The following N4BP2 variants were observed in gnomAD, a reference collection of about 807,000 sequenced individuals.
N4BP2 encodes the protein NEDD4-binding protein 2.
In N4BP2, 91 loss-of-function variants were observed where a neutral mutation model predicts 152.8. That is an observed-to-expected ratio of 0.60 (90% CI 0.50 to 0.71). N4BP2 has a LOEUF of 0.71. N4BP2 is among the 30% of genes least tolerant of loss of function. The pLI is 0.00. For synonymous variants in N4BP2, 646 were observed against 705.3 expected (o/e 0.92, Z 1.33); for missense variants, 1,923 against 2,059.1 (o/e 0.93, Z 1.28).
At chr4:40,101,011 C>T (rs1333886054) in intron 3 of N4BP2, among the ~76,000 whole-genome samples, 1 of 152,216 alleles carries the variant, frequency 6.6e-6, no homozygotes, top group Non-Finnish European at 1.5e-5. Context: ...AGAGCCAAGC[C>T]TGGGTTTACC....
chr4:40,079,986 GA>G (rs749307220), intron 2 of N4BP2, among the ~76,000 whole-genome samples: 1 of 152,048 alleles, frequency 6.6e-6, no homozygotes, highest in Non-Finnish European at 1.5e-5. Context: ...TTGAGGATGG[GA>G]GGGGGGGATA....
chr4:40,104,871 C>G (rs1487258971), intron 4 of N4BP2, among the ~76,000 whole-genome samples: 2 of 149,746 alleles, frequency 1.3e-5, no homozygotes, highest in African/African-American at 4.9e-5. Context: ...GTGGTGCGAT[C>G]TCGGCTCACT....
At chr4:40,143,267 T>G (rs1300393193) in intron 15 of N4BP2, among the ~76,000 whole-genome samples, 2 of 152,156 alleles carry the variant, frequency 1.3e-5, no homozygotes, top group Non-Finnish European at 2.9e-5. Flanking sequence ...GAAGTAAAAT[T>G]TCTACCTGGG....
At position 40,113,416 on chromosome 4, in the gene N4BP2, T is replaced by C. The variant is rs148223077; in HGVS notation, c.1588-16T>C. ...AAATACCTATTTTAAAATGTTTTTG[T>C]CTTTGTTGTATGTAGTCTCAGAAAC... On this transcript the variant is annotated splice_polypyrimidine_tract_variant and intron_variant, in intron 6 of 17. Coordinates refer to ENST00000261435, the MANE Select transcript of N4BP2 (RefSeq NM_018177.6). The C allele has an allele frequency of 2.6e-5, 40 of 1,553,476 alleles. No individual in the cohort carries two copies. The highest frequency in any genetic ancestry group is 3.3e-5 in the Non-Finnish European group (37 of 1,130,684).
In N4BP2 at chr4:40,085,282, C is replaced by T. The variant is rs182101014; in HGVS notation, c.-115+11731C>T. On this transcript the variant is annotated intron_variant, in intron 2 of 17. Coordinates refer to ENST00000261435, the MANE Select transcript of N4BP2 (RefSeq NM_018177.6). ...TGGTCTTGACCTCAGGCAATCTGCC[C>T]GCCTCAGCCTCCCAAAGTGCTGGGA... Among the ~76,000 whole-genome samples the T allele has an allele frequency of 1.3e-4, 20 of 151,666 alleles. No individual in the cohort carries two copies. In the East Asian group the frequency reaches 3.7e-3, roughly 28 times the overall value.
At chr4:40,169,466 T>G in the N4BP2 span, among the ~76,000 whole-genome samples, 1 of 151,276 alleles carries the variant, frequency 6.6e-6, no homozygotes, top group African/African-American at 2.4e-5. Flanking sequence ...ATTAGAAATA[T>G]ATAAAAGATT....
At chr4:40,145,098 C>T (rs913783847) in intron 16 of N4BP2, among the ~76,000 whole-genome samples, 1 of 152,134 alleles carries the variant, frequency 6.6e-6, no homozygotes, top group Non-Finnish European at 1.5e-5. Flanking sequence ...TATTACATAT[C>T]TTTGTCCAAT....
the N4BP2 span, among the ~76,000 whole-genome samples, chr4:40,165,266 T>C: frequency 2.9e-4 from 43 of 150,638 alleles, 1 homozygote; most frequent in African/African-American, 1.0e-3. Flanking sequence ...AATCTGTACT[T>C]TTTTTTTTGA....
At chr4:40,062,921 T>C (rs903698635) in intron 1 of N4BP2, among the ~76,000 whole-genome samples, 4 of 152,196 alleles carry the variant, frequency 2.6e-5, no homozygotes, top group African/African-American at 9.7e-5. Flanking sequence ...ACATTGTGAT[T>C]GCTTGCTTAT....
At chr4:40,127,805 TGC>T (rs1202297540) in intron 12 of N4BP2, among the ~76,000 whole-genome samples, 44 of 152,064 alleles carry the variant, frequency 2.9e-4, no homozygotes, top group African/African-American at 1.0e-3. Context: ...GAACTACAGG[TGC>T]CTGCCACCGC....
At position 40,158,170 on chromosome 4, in the gene N4BP2, A is replaced by G. The variant is rs188260991; in HGVS notation, c.*3933A>G. 2.5e-3 allele frequency: 386 copies of G among 152,298 alleles called. 12 individuals are homozygous for G. Among genetic ancestry groups the G allele is most frequent in the Admixed American group, 0.021 (323 of 15,306 alleles). The allele number at this position is 152,298 out of a possible 1,614,324, so 9.4% of individuals were successfully genotyped here. Reference sequence around the variant, plus strand: ...TAACTCTGTACTTTTTAAATTGAAAATGTTTTATAAATTTGCTTTTAAATT... The same window carrying G: ...TAACTCTGTACTTTTTAAATTGAAAGTGTTTTATAAATTTGCTTTTAAATT... On this transcript the variant is annotated 3_prime_UTR_variant, in exon 18 of 18. Transcript: ENST00000261435.
In N4BP2 at chr4:40,118,038, C is replaced by T. The variant is rs753226562; in HGVS notation, c.1820+14C>T. On this transcript the variant is annotated intron_variant, in intron 8 of 17. Transcript: ENST00000261435. Reference sequence around the variant, plus strand: ...TAGAAGCACTAGGTAGGTTAAAATGCCTTATGTACAAAATTCAATTTGAAA... The same window carrying T: ...TAGAAGCACTAGGTAGGTTAAAATGTCTTATGTACAAAATTCAATTTGAAA... 10 of 1,507,328 alleles carry T rather than the reference C, an allele frequency of 6.6e-6. No individual in the cohort carries two copies. The Admixed American group carries it at 2.2e-4, about 34-fold the overall frequency. The allele number at this position is 1,507,328 out of a possible 1,614,324, so 93.4% of individuals were successfully genotyped here. A position where few individuals can be genotyped will look rare whatever the true frequency, so the allele number is the denominator to read the frequency against.
At position 40,097,227 on chromosome 4, in the gene N4BP2, G is replaced by C; in HGVS notation, c.-114G>C. Reference sequence around the variant, plus strand: ...TGTTTTTAATTGCTTTCTATTTTAGGTCTTTTTACTGCTGGATTGTGCAAG... The same window carrying C: ...TGTTTTTAATTGCTTTCTATTTTAGCTCTTTTTACTGCTGGATTGTGCAAG... On this transcript the variant is annotated splice_region_variant and 5_prime_UTR_variant, in exon 3 of 18. Coordinates refer to ENST00000261435, the MANE Select transcript of N4BP2 (RefSeq NM_018177.6). 6 of 776,230 alleles carry C rather than the reference G, an allele frequency of 7.7e-6. No individual in the cohort carries two copies. The highest frequency in any genetic ancestry group is 1.1e-5 in the Non-Finnish European group (5 of 466,332). 48.1% of individuals were successfully genotyped at this position (776,230 alleles called of 1,614,324 possible).
the N4BP2 span, among the ~76,000 whole-genome samples, chr4:40,186,973 A>T: frequency 4.5e-4 from 68 of 152,326 alleles, no homozygotes; most frequent in African/African-American, 1.6e-3. Flanking sequence ...TTTCACACAG[A>T]TATTTTAAGC....
intron 14 of N4BP2, among the ~76,000 whole-genome samples, chr4:40,141,410 G>A (rs1299119131): frequency 2.6e-5 from 4 of 151,680 alleles, no homozygotes; most frequent in Admixed American, 1.3e-4. Flanking sequence ...TCCCAGACGG[G>A]GTCGCGGCCG....
chr4:40,152,993 A>G lies in N4BP2; in HGVS notation c.5267+90A>G, dbSNP rs960157398. ...GTGAGTATAGATTTCTGTTATTGAT[A>G]ATAGCAATAGCCCTAATATAGCTAG... On this transcript the variant is annotated intron_variant, in intron 17 of 17. Coordinates refer to ENST00000261435, the MANE Select transcript of N4BP2 (RefSeq NM_018177.6). 9 of 1,298,184 alleles carry G rather than the reference A, an allele frequency of 6.9e-6. No homozygotes were observed. In the African/African-American group the frequency reaches 1.0e-4, roughly 15 times the overall value. The allele number at this position is 1,298,184 out of a possible 1,614,324, so 80.4% of individuals were successfully genotyped here. A position where few individuals can be genotyped will look rare whatever the true frequency, so the allele number is the denominator to read the frequency against.
At chr4:40,057,194 C>T (rs1440350203) in intron 1 of N4BP2, 164 bp downstream of exon 1, 1 of 152,236 alleles carries the variant, frequency 6.6e-6, no homozygotes, top group African/African-American at 2.4e-5. Context: ...GGGCCGCCTC[C>T]GATCTGACCC....
chr4:40,077,315 T>G (rs1427055818), intron 2 of N4BP2, among the ~76,000 whole-genome samples: 2 of 151,274 alleles, frequency 1.3e-5, no homozygotes, highest in African/African-American at 2.4e-5. Flanking sequence ...GCCTGGCTGT[T>G]TTTTGTATTT....
intron 1 of N4BP2, among the ~76,000 whole-genome samples, chr4:40,057,711 C>T (rs1382921059): frequency 1.3e-5 from 2 of 152,132 alleles, no homozygotes; most frequent in Non-Finnish European, 2.9e-5. Flanking sequence ...AATTCATCCT[C>T]AATAGAGTGA....
Sources: allele counts gnomAD v4.1 joint callset (sites outside exome capture counted in the v4.1 genomes callset), GRCh38; gene constraint gnomAD v4.1.1; transcripts MANE v1.5; gene names NCBI Gene and HGNC (gene_info 2026-07-23, HGNC 2026-07-21).